Variants in CPEB2 observed in about 807,000 individuals in gnomAD.
CPEB2 encodes cytoplasmic polyadenylation element binding protein 2.
In CPEB2, 56 loss-of-function variants were observed where a neutral mutation model predicts 93.6. The ratio of observed to expected loss-of-function variants is 0.60; its 90% CI spans 0.48 to 0.75. The LOEUF is 0.75. Among genes scored for constraint, CPEB2 ranks in the 30% least tolerant of loss-of-function variants. CPEB2 has a pLI of 0.00. For missense variants in CPEB2, 1,579 were observed against 1,395.1 expected (o/e 1.13, Z -2.10); for synonymous variants, 764 against 586.3 (o/e 1.30, Z -4.38).
intron 3 of CPEB2, among the ~76,000 whole-genome samples, chr4:15,016,206 C>G (rs960295241): frequency 2.0e-5 from 3 of 151,968 alleles, no homozygotes; most frequent in Non-Finnish European, 4.4e-5. Flanking sequence ...GTATCCCCCA[C>G]GTATACATAA....
At chr4:15,037,542 T>C (rs1007603814) in intron 5 of CPEB2, among the ~76,000 whole-genome samples, 3 of 152,166 alleles carry the variant, frequency 2.0e-5, no homozygotes, top group Non-Finnish European at 4.4e-5. Context: ...AGTCAGAATA[T>C]TAGAATCATC....
chr4:15,020,794 T>A (rs781110205), intron 4 of CPEB2, among the ~76,000 whole-genome samples: 7 of 152,158 alleles, frequency 4.6e-5, no homozygotes, highest in Non-Finnish European at 1.0e-4. Context: ...TATAGCCTAC[T>A]GGGGAAAGAG....
chr4:15,004,094 C>T lies in CPEB2; in HGVS notation c.1421C>T (p.Thr474Ile), dbSNP rs1455324796. 30 of 1,560,528 alleles carry T rather than the reference C, an allele frequency of 1.9e-5. No homozygotes were observed. Among genetic ancestry groups the T allele is most frequent in the Non-Finnish European group, 2.4e-5 (28 of 1,157,064 alleles). The change falls in exon 1 of 12, where the codon ACT (threonine) becomes ATT (isoleucine). Residue 474 changes from threonine (T) to isoleucine (I), a missense_variant. Transcript: ENST00000538197. ...SFSPVSPHGC[T>I]GLSVPTSGGG... ...TCGCCCGTGTCGCCGCACGGCTGCA[C>T]TGGGCTCAGCGTTCCGACGAGCGGC...
chr4:15,056,155 TAATA>T lies in CPEB2; in HGVS notation c.2461+1942_2461+1945del, dbSNP rs577803330. Among the ~76,000 whole-genome samples, 10 of 152,310 alleles carry T rather than the reference TAATA, an allele frequency of 6.6e-5. No homozygotes were observed. In the South Asian group the frequency reaches 1.9e-3, roughly 28 times the overall value. The stretch of plus-strand genomic sequence containing the variant: ...AATAATTCACGGATTGTTAACTGCC[TAATA>T]AATGAGATAACAAAAAATACTATAG... On this transcript the variant is annotated intron_variant, in intron 8 of 11. Coordinates refer to ENST00000538197, the MANE Select transcript of CPEB2 (RefSeq NM_001177382.2).
chr4:15,065,106 T>C (rs908948085), intron 11 of CPEB2, among the ~76,000 whole-genome samples: 2 of 152,156 alleles, frequency 1.3e-5, no homozygotes, highest in Non-Finnish European at 2.9e-5. Context: ...ATGAACATCC[T>C]ACAGTTCTTG....
Position 15,003,028 on chromosome 4 carries a change from C to G in CPEB2, c.355C>G (p.Pro119Ala). ...LSGAAATEKLPDHHPGGGTIA... is the reference protein window; with the variant it reads ...LSGAAATEKLADHHPGGGTIA... ...GGGGGCGGCGGCCACGGAGAAACTC[C>G]CCGACCACCACCCCGGCGGCGGCAC... The change falls in exon 1 of 12, where the codon CCC (proline) becomes GCC (alanine). Residue 119 changes from proline (P) to alanine (A), a missense_variant. Physicochemically the swap from Pro to Ala is conservative, Grantham distance 27. Around this residue, in one of 2 missense-constraint regions of CPEB2, gnomAD observed 1,411 missense variants for 1,056.0 expected, o/e 1.34. Coordinates refer to ENST00000538197, the MANE Select transcript of CPEB2 (RefSeq NM_001177382.2). 6.7e-7 allele frequency: 1 copy of G among 1,501,292 alleles called. No individual in the cohort carries two copies. The highest frequency in any genetic ancestry group is 2.5e-5 in the East Asian group (1 of 40,446). 93.0% of individuals were successfully genotyped at this position (1,501,292 alleles called of 1,614,324 possible). A position where few individuals can be genotyped will look rare whatever the true frequency, so the allele number is the denominator to read the frequency against.
intron 1 of CPEB2, among the ~76,000 whole-genome samples, chr4:15,006,847 C>T (rs1435724309): frequency 6.6e-6 from 1 of 152,088 alleles, no homozygotes; most frequent in Non-Finnish European, 1.5e-5. Context: ...GTTTTGGAAA[C>T]ATAAAGTCTA....
At chr4:15,053,023 A>ATT in intron 7 of CPEB2, among the ~76,000 whole-genome samples, 1 of 142,076 alleles carries the variant, frequency 7.0e-6, no homozygotes, top group African/African-American at 2.8e-5. Flanking sequence ...TTATTTATTT[A>ATT]TTTTTTTTTT....
chr4:15,028,074 A>G (rs535776097), intron 4 of CPEB2, among the ~76,000 whole-genome samples: 1 of 152,270 alleles, frequency 6.6e-6, no homozygotes, highest in Non-Finnish European at 1.5e-5. Context: ...TTTTTCTTTT[A>G]GAAACAATTG....
chr4:15,065,890 C>G (rs1395783108), intron 11 of CPEB2, among the ~76,000 whole-genome samples: 3 of 152,004 alleles, frequency 2.0e-5, no homozygotes, highest in African/African-American at 7.2e-5. Flanking sequence ...CATAATCTCC[C>G]CTAACTCTGA....
In CPEB2 at chr4:15,062,223, G is replaced by A. The variant is rs1224345591; in HGVS notation, c.2840G>A (p.Arg947Gln). 5.0e-6 allele frequency: 8 copies of A among 1,611,684 alleles called. No individual in the cohort carries two copies. The highest frequency in any genetic ancestry group is 5.9e-6 in the Non-Finnish European group (7 of 1,178,592). Reference protein sequence around the residue: ...QQSYIAAISARFVQLQHGDID... With the variant: ...QQSYIAAISAQFVQLQHGDID... ...AGCTATATTGCTGCCATTAGTGCTCGGTTTGTTCAGCTTCAGCATGGTGAT... is the reference window on the plus strand; with the variant it reads ...AGCTATATTGCTGCCATTAGTGCTCAGTTTGTTCAGCTTCAGCATGGTGAT... Residue 947 changes from arginine to glutamine, a missense_variant, in exon 11 of 12, where the codon CGG (arginine) becomes CAG (glutamine). By Grantham distance (43) the Arg-to-Gln change is conservative (BLOSUM62 1). Coordinates refer to ENST00000538197, the MANE Select transcript of CPEB2 (RefSeq NM_001177382.2).
intron 5 of CPEB2, among the ~76,000 whole-genome samples, chr4:15,035,364 A>G (rs931599877): frequency 6.6e-6 from 1 of 152,102 alleles, no homozygotes. Flanking sequence ...CAGTTTGTTT[A>G]TGTCTAAAAT....
intron 3 of CPEB2, among the ~76,000 whole-genome samples, chr4:15,014,219 G>A (rs951576662): frequency 1.3e-5 from 2 of 152,020 alleles, no homozygotes; most frequent in East Asian, 3.8e-4. Flanking sequence ...TAAGGTCATC[G>A]GTTGACTGGG....
In CPEB2 at chr4:15,002,603, C is replaced by A; in HGVS notation, c.-71C>A. 1 of 1,326,408 alleles carries A rather than the reference C, an allele frequency of 7.5e-7. No homozygotes were observed. Among genetic ancestry groups the A allele is most frequent in the Non-Finnish European group, 1.0e-6 (1 of 1,002,108 alleles). The allele number at this position is 1,326,408 out of a possible 1,614,324, so 82.2% of individuals were successfully genotyped here. ...CTCCTTCCACCACGGCCGCGCAACC[C>A]CAGCGCCGGCGGCTTCCTAGGTGGG... On this transcript the variant is annotated 5_prime_UTR_variant, in exon 1 of 12. Coordinates refer to ENST00000538197, the MANE Select transcript of CPEB2 (RefSeq NM_001177382.2).
intron 1 of CPEB2, among the ~76,000 whole-genome samples, 163 bp downstream of exon 1, chr4:15,004,498 C>G (rs1722511689): frequency 6.6e-6 from 1 of 152,046 alleles, no homozygotes; most frequent in Non-Finnish European, 1.5e-5. Context: ...ACAACCGTGA[C>G]AGGACTCGGA....
chr4:15,022,877 TG>T (rs1382461487), intron 4 of CPEB2, among the ~76,000 whole-genome samples: 2 of 152,128 alleles, frequency 1.3e-5, no homozygotes, highest in Non-Finnish European at 2.9e-5. Context: ...TGAAAGTTTT[TG>T]TTTTAAAAAA....
At position 15,007,591 on chromosome 4, in the gene CPEB2, G is replaced by C; in HGVS notation, c.1944+5G>C. The C allele has an allele frequency of 6.5e-7, 1 of 1,538,454 alleles. No homozygotes were observed. On this transcript the variant is annotated splice_donor_5th_base_variant and intron_variant, in intron 2 of 11. Transcript: ENST00000538197. ...AATACACTCTTACCCTTACAGGTAAGAATGGTATGTAAATGACCTTATCTC... is the reference window on the plus strand; with the variant it reads ...AATACACTCTTACCCTTACAGGTAACAATGGTATGTAAATGACCTTATCTC...
chr4:15,041,170 G>C (rs1727151278), intron 6 of CPEB2, among the ~76,000 whole-genome samples: 1 of 152,070 alleles, frequency 6.6e-6, no homozygotes, highest in Non-Finnish European at 1.5e-5. Context: ...GAAAGTAGCT[G>C]ATGTTTTCTG....
chr4:15,059,384 T>C, intron 10 of CPEB2, 83 bp downstream of exon 10: 5 of 873,354 alleles, frequency 5.7e-6, no homozygotes, highest in Non-Finnish European at 9.2e-6. Flanking sequence ...GAAGCTATTG[T>C]GTACATGACA....
Sources: allele counts gnomAD v4.1 joint callset (sites outside exome capture counted in the v4.1 genomes callset), GRCh38; gene constraint gnomAD v4.1.1; regional missense constraint gnomAD v4.1.1; transcripts MANE v1.5; gene names NCBI Gene and HGNC (gene_info 2026-07-23, HGNC 2026-07-21).